JARID2: variants seen among roughly 807,000 people sequenced by gnomAD.
JARID2 encodes protein Jumonji.
Under a neutral mutation model 125.6 loss-of-function variants are expected in JARID2, and 21 were observed. The observed-to-expected ratio is 0.17, with a 90% CI of 0.12 to 0.24. The LOEUF (loss-of-function observed/expected upper bound fraction) is 0.24. Among genes scored for constraint, JARID2 ranks in the 10% least tolerant of loss-of-function variants. The pLI is 1.00. For missense variants in JARID2, 1,303 were observed against 1,639.6 expected, an observed-to-expected ratio of 0.79 and a Z score of 3.55; for synonymous variants, 736 against 661.6, an observed-to-expected ratio of 1.11 and a Z score of -1.73.
chr6:15,486,824 T>TTTTA (rs1769890864), intron 5 of JARID2, among the ~76,000 whole-genome samples: 1 of 148,178 alleles, frequency 6.7e-6, no homozygotes. Flanking sequence ...TTTTTTTTTT[T>TTTTA]GAGACAGAGT....
At chr6:15,337,217 G>A (rs2127463320) in intron 1 of JARID2, among the ~76,000 whole-genome samples, 1 of 152,234 alleles carries the variant, frequency 6.6e-6, no homozygotes, top group South Asian at 2.1e-4. Context: ...ACATGAGAGA[G>A]GTTTGAATGG....
chr6:15,450,540 C>T (rs1223006315), intron 3 of JARID2, among the ~76,000 whole-genome samples: 2 of 152,138 alleles, frequency 1.3e-5, no homozygotes, highest in African/African-American at 2.4e-5. Flanking sequence ...GTTTGGGATT[C>T]TGATGAGGTC....
At chr6:15,268,362 C>T (rs1041685813) in intron 1 of JARID2, among the ~76,000 whole-genome samples, 2 of 152,220 alleles carry the variant, frequency 1.3e-5, no homozygotes, top group East Asian at 1.9e-4. Context: ...TGCAGCTTAA[C>T]GCCAGGACTT....
In JARID2 at chr6:15,251,383, TTGTC is replaced by T. The variant is rs762469359; in HGVS notation, c.45+4802_45+4805del. 3.8e-4 allele frequency among the ~76,000 whole-genome samples: 58 copies of T among 152,322 alleles called. 1 individual carries two copies. The highest frequency in any genetic ancestry group is 3.4e-3 in the Middle Eastern group (1 of 294). On this transcript the variant is annotated intron_variant, in intron 1 of 17. Coordinates refer to ENST00000341776, the MANE Select transcript of JARID2 (RefSeq NM_004973.4). ...GGTGTGAGGACTCACACTCCTGACA[TTGTC>T]TGAATTCTGGCTGCATTGCTCTGAT...
At chr6:15,317,612 G>A (rs1037548103) in intron 1 of JARID2, among the ~76,000 whole-genome samples, 3 of 151,888 alleles carry the variant, frequency 2.0e-5, no homozygotes, top group Admixed American at 6.6e-5. Flanking sequence ...TAACTGATGG[G>A]TCCATAGTCC....
intron 2 of JARID2, among the ~76,000 whole-genome samples, chr6:15,381,891 G>A (rs546798585): frequency 6.6e-6 from 1 of 152,308 alleles, no homozygotes; most frequent in South Asian, 2.1e-4. Flanking sequence ...TGATGAATGT[G>A]GGACAGCTTA....
chr6:15,370,195 G>A (rs1764113815), intron 1 of JARID2, among the ~76,000 whole-genome samples: 1 of 152,164 alleles, frequency 6.6e-6, no homozygotes, highest in Admixed American at 6.5e-5. Flanking sequence ...GTGAACAAGA[G>A]TAGTGATTTC....
chr6:15,415,808 G>A (rs1296557400), intron 3 of JARID2, among the ~76,000 whole-genome samples: 147 of 139,590 alleles, frequency 1.1e-3, no homozygotes, highest in Non-Finnish European at 2.1e-3. Flanking sequence ...GGGGCGGCTG[G>A]CCGGGCGGGG....
chr6:15,394,413 G>A (rs975688538), intron 2 of JARID2, among the ~76,000 whole-genome samples: 6 of 152,112 alleles, frequency 3.9e-5, no homozygotes, highest in Non-Finnish European at 5.9e-5. Flanking sequence ...GGCCTGGGCA[G>A]CTTGGCGAAA....
intron 1 of JARID2, among the ~76,000 whole-genome samples, chr6:15,268,046 C>T (rs1203430910): frequency 6.6e-6 from 1 of 152,112 alleles, no homozygotes; most frequent in Non-Finnish European, 1.5e-5. Flanking sequence ...GGACACCATA[C>T]CTAATGTGCA....
intron 3 of JARID2, among the ~76,000 whole-genome samples, chr6:15,416,309 C>T (rs1766207260): frequency 6.6e-6 from 1 of 152,210 alleles, no homozygotes; most frequent in South Asian, 2.1e-4. Flanking sequence ...AGGCTGCAAT[C>T]TCGGCACTTT....
chr6:15,276,548 A>G (rs1760529552), intron 1 of JARID2, among the ~76,000 whole-genome samples: 1 of 152,174 alleles, frequency 6.6e-6, no homozygotes, highest in African/African-American at 2.4e-5. Context: ...AGCCGCTTCC[A>G]TTTCCACATT....
At chr6:15,390,169 T>G (rs1764943966) in intron 2 of JARID2, among the ~76,000 whole-genome samples, 1 of 152,160 alleles carries the variant, frequency 6.6e-6, no homozygotes, top group South Asian at 2.1e-4. Flanking sequence ...TTCTCATATT[T>G]GTTGTCATCT....
At chr6:15,449,416 C>G (rs1767817336) in intron 3 of JARID2, among the ~76,000 whole-genome samples, 1 of 151,830 alleles carries the variant, frequency 6.6e-6, no homozygotes, top group African/African-American at 2.4e-5. Flanking sequence ...GAGGCCAAGG[C>G]AGGAGATAGG....
chr6:15,258,010 T>C (rs1221164312), intron 1 of JARID2, among the ~76,000 whole-genome samples: 1 of 152,222 alleles, frequency 6.6e-6, no homozygotes, highest in East Asian at 1.9e-4. Flanking sequence ...TATTCTTATA[T>C]GTATGAAATG....
intron 1 of JARID2, among the ~76,000 whole-genome samples, chr6:15,328,608 C>T (rs973843098): frequency 4.6e-5 from 7 of 152,102 alleles, no homozygotes; most frequent in African/African-American, 7.2e-5. Context: ...AATTGTTTAT[C>T]TAGGTTGCCC....
chr6:15,346,784 G>A (rs2127475699), intron 1 of JARID2, among the ~76,000 whole-genome samples: 1 of 150,136 alleles, frequency 6.7e-6, no homozygotes, highest in East Asian at 2.0e-4. Context: ...CACCCAGTCT[G>A]GAGCGCAGTG....
chr6:15,433,921 G>GGGGTGTGTGTGTGTGT (rs1380689957), intron 3 of JARID2, among the ~76,000 whole-genome samples: 1 of 131,312 alleles, frequency 7.6e-6, no homozygotes. Flanking sequence ...CACTCTCCAG[G>GGGGTGTGTGTGTGTGT]GTGTGTGTGT....
chr6:15,319,928 C>A (rs772730463), intron 1 of JARID2, among the ~76,000 whole-genome samples: 1 of 152,148 alleles, frequency 6.6e-6, no homozygotes, highest in East Asian at 1.9e-4. Context: ...GAAGTTCAGC[C>A]CCTTGACTCT....
Sources: gnomAD v4.1 joint callset for allele counts (sites outside exome capture counted in the v4.1 genomes callset) on GRCh38, gnomAD v4.1.1 for gene constraint, MANE v1.5 for transcripts, NCBI Gene and HGNC (gene_info 2026-07-23, HGNC 2026-07-21) for gene names.